Variants in SLAMF1 observed in about 807,000 individuals in gnomAD.
SLAMF1 encodes signaling lymphocytic activation molecule.
In SLAMF1, 18 loss-of-function variants were observed where a neutral mutation model predicts 35.1. That is an observed-to-expected ratio of 0.51 (90% CI 0.35 to 0.76). The LOEUF (loss-of-function observed/expected upper bound fraction) is 0.76. SLAMF1 is among the 30% of genes least tolerant of loss of function. The pLI is 0.01. For missense variants in SLAMF1, 392 were observed against 413.0 expected (o/e 0.95, Z 0.44); for synonymous variants, 168 against 157.2 (o/e 1.07, Z -0.51).
intron 2 of SLAMF1, among the ~76,000 whole-genome samples, chr1:160,635,647 C>G (rs929140082): frequency 3.3e-5 from 5 of 150,760 alleles, no homozygotes; most frequent in Non-Finnish European, 7.4e-5. Flanking sequence ...TCTCAGCTCA[C>G]TGCAAGCTCC....
At chr1:160,634,383 C>T in intron 3 of SLAMF1, 1 of 984,582 alleles carries the variant, frequency 1.0e-6, no homozygotes, top group Non-Finnish European at 1.2e-6. Flanking sequence ...CTGGGTCTGT[C>T]TCTATCACCT....
At chr1:160,632,339 C>G (rs1391677674) in intron 3 of SLAMF1, among the ~76,000 whole-genome samples, 1 of 152,098 alleles carries the variant, frequency 6.6e-6, no homozygotes, top group Non-Finnish European at 1.5e-5. Flanking sequence ...CTGGACAGTT[C>G]TCTTACAAAC....
At chr1:160,646,835 A>T (rs1661062025) in intron 1 of SLAMF1, 35 bp downstream of exon 1, 3 of 1,220,848 alleles carry the variant, frequency 2.5e-6, no homozygotes, top group East Asian at 4.7e-5. Flanking sequence ...GGCAGCTAAC[A>T]TGGGACTCAA....
At chr1:160,614,451 G>A (rs542303530) in intron 5 of SLAMF1, among the ~76,000 whole-genome samples, 52 of 151,964 alleles carry the variant, frequency 3.4e-4, no homozygotes, top group Non-Finnish European at 6.3e-4. Context: ...GTGCATGCCC[G>A]TAATCCCAGC....
chr1:160,618,999 T>G (rs987660844), intron 5 of SLAMF1, among the ~76,000 whole-genome samples: 5 of 152,198 alleles, frequency 3.3e-5, no homozygotes, highest in African/African-American at 1.2e-4. Flanking sequence ...TTCTCAGAAG[T>G]GCATTTGCTG....
chr1:160,632,608 T>C (rs536269477), intron 3 of SLAMF1, among the ~76,000 whole-genome samples: 2 of 152,118 alleles, frequency 1.3e-5, no homozygotes, highest in Non-Finnish European at 2.9e-5. Context: ...TTAAACTACA[T>C]TGAGGAGCAT....
rs140523111 is a variant in SLAMF1 at position 160,617,729 on chromosome 1, G to A, written c.864+2047C>T. Among the ~76,000 whole-genome samples, 324 of 152,280 alleles carry A rather than the reference G, an allele frequency of 2.1e-3. 1 individual carries two copies. Among genetic ancestry groups the A allele is most frequent in the African/African-American group, 7.6e-3 (316 of 41,550 alleles). ...GGCACAGGAGGCCTTCAGGAAGTAC[G>A]GGCAATGTTCTAGTCTTTGATCTGA... On this transcript the variant is annotated intron_variant, in intron 5 of 6. Transcript: ENST00000302035.
At chr1:160,635,714 G>C (rs891148606) in intron 2 of SLAMF1, among the ~76,000 whole-genome samples, 17 of 151,038 alleles carry the variant, frequency 1.1e-4, no homozygotes, top group Non-Finnish European at 2.1e-4. Flanking sequence ...TGGGACTACA[G>C]GTGCCCACCA....
Position 160,646,992 on chromosome 1 carries a change from G to C in SLAMF1, c.-47C>G, listed in dbSNP as rs758768252. The C allele has an allele frequency of 1.0e-6, 1 of 957,876 alleles. No homozygotes were observed. Among genetic ancestry groups the C allele is most frequent in the Non-Finnish European group, 1.7e-6 (1 of 592,090 alleles). 59.3% of individuals were successfully genotyped at this position (957,876 alleles called of 1,614,324 possible). A position where few individuals can be genotyped will look rare whatever the true frequency, so the allele number is the denominator to read the frequency against. ...GGATCCTGGCCGGAGCCTGGCAGCT[G>C]CTCACAGATGCCAGGCAGAAGCAAG... On this transcript the variant is annotated 5_prime_UTR_variant, in exon 1 of 7. Transcript: ENST00000302035.
At chr1:160,636,813 G>T (rs1418370311) in intron 2 of SLAMF1, among the ~76,000 whole-genome samples, 3 of 152,170 alleles carry the variant, frequency 2.0e-5, no homozygotes, top group African/African-American at 7.2e-5. Flanking sequence ...CCTCATGTAG[G>T]AGAGACTGGG....
chr1:160,644,055 A>C lies in SLAMF1; in HGVS notation c.76+2815T>G, dbSNP rs551315902. On this transcript the variant is annotated intron_variant, in intron 1 of 6. Transcript: ENST00000302035. ...AATGAACATTTGCATGATGAAAAAAAGTTTTCATTTTCCAAATTCCAGGTC... is the reference window on the plus strand; with the variant it reads ...AATGAACATTTGCATGATGAAAAAACGTTTTCATTTTCCAAATTCCAGGTC... Among the ~76,000 whole-genome samples, 3 of 152,262 alleles carry C rather than the reference A, an allele frequency of 2.0e-5. No homozygotes were observed. In the East Asian group the frequency reaches 5.8e-4, roughly 29 times the overall value.
chr1:160,622,742 C>A (rs1659685899), intron 4 of SLAMF1, among the ~76,000 whole-genome samples: 1 of 152,198 alleles, frequency 6.6e-6, no homozygotes, highest in Non-Finnish European at 1.5e-5. Flanking sequence ...TTGTCAGTAG[C>A]AAAATCTGCA....
At chr1:160,634,292 C>A (rs61801586) in intron 3 of SLAMF1, 8,794 of 488,710 alleles carry the variant, frequency 0.018, 109 homozygotes, top group Middle Eastern at 0.032. Context: ...GCCCTCCCAC[C>A]TGCAATCCCT....
intron 4 of SLAMF1, among the ~76,000 whole-genome samples, chr1:160,620,515 CA>C (rs1395046548): frequency 6.6e-6 from 1 of 152,026 alleles, no homozygotes; most frequent in Non-Finnish European, 1.5e-5. Context: ...AATTTTTAGC[CA>C]ATTTTAAAAA....
chr1:160,633,808 T>G (rs148545032), intron 3 of SLAMF1, among the ~76,000 whole-genome samples: 1 of 152,336 alleles, frequency 6.6e-6, no homozygotes, highest in Non-Finnish European at 1.5e-5. Context: ...AGTCAGAAGA[T>G]GTAGGTTTAG....
chr1:160,626,276 C>A (rs1214926899), intron 3 of SLAMF1, among the ~76,000 whole-genome samples: 1 of 152,218 alleles, frequency 6.6e-6, no homozygotes, highest in Non-Finnish European at 1.5e-5. Context: ...TCGCGCCCGA[C>A]GCCGGTTGCT....
rs778677605 is a variant in SLAMF1, at chr1:160,637,204, C to A, written c.402G>T (p.Gln134His). ...KNVSVQRFCL[Q>H]LRLYEQVSTP... is the part of the protein sequence containing the mutation. ...CGCCATTATTACCATAAAGCCTCAA[C>A]TGCAGGCAAAAGCGCTGAACTGAAA... The change falls in exon 2 of 7, where the codon CAG becomes CAT. Residue 134 changes from glutamine to histidine, a missense_variant. By Grantham distance (24) the Gln-to-His change is conservative. Coordinates refer to ENST00000302035, the MANE Select transcript of SLAMF1 (RefSeq NM_003037.5). 1.2e-6 allele frequency: 2 copies of A among 1,613,724 alleles called. No individual in the cohort carries two copies. The highest frequency in any genetic ancestry group is 1.7e-6 in the Non-Finnish European group (2 of 1,179,636).
intron 4 of SLAMF1, among the ~76,000 whole-genome samples, chr1:160,620,060 A>C (rs1558004996): frequency 6.6e-6 from 1 of 152,150 alleles, no homozygotes; most frequent in Non-Finnish European, 1.5e-5. Flanking sequence ...TGGGATTTGA[A>C]ATACCTGCCT....
chr1:160,637,896 C>T (rs1360725598), intron 1 of SLAMF1, among the ~76,000 whole-genome samples: 2 of 152,076 alleles, frequency 1.3e-5, no homozygotes, highest in Non-Finnish European at 2.9e-5. Context: ...ATTCCTCTAC[C>T]AGGGTTTTTT....
Sources: allele counts gnomAD v4.1 joint callset (sites outside exome capture counted in the v4.1 genomes callset), GRCh38; gene constraint gnomAD v4.1.1; transcripts MANE v1.5; gene names NCBI Gene and HGNC (gene_info 2026-07-23, HGNC 2026-07-21).